The following CMPK1 variants were observed in gnomAD, a reference collection of about 807,000 sequenced individuals.
CMPK1 encodes the protein cytidine/uridine monophosphate kinase 1.
In CMPK1, 10 loss-of-function variants were observed where a neutral mutation model predicts 25.7. The ratio of observed to expected loss-of-function variants is 0.39; its 90% CI spans 0.24 to 0.66. The LOEUF is 0.66. Ranked by LOEUF, CMPK1 falls within the 30% of genes least tolerant of loss-of-function variation. CMPK1 has a pLI of 0.48. For missense variants in CMPK1, 199 were observed against 280.5 expected (o/e 0.71, Z 2.08); for synonymous variants, 106 against 101.5 (o/e 1.04, Z -0.27).
intron 1 of CMPK1, among the ~76,000 whole-genome samples, chr1:47,355,056 G>T (rs999211956): frequency 1.3e-5 from 2 of 151,504 alleles, no homozygotes; most frequent in Non-Finnish European, 2.9e-5. Flanking sequence ...GAATCACATT[G>T]TCTTTTTTTT....
Position 47,333,831 on chromosome 1 carries a change from C to CGGGGCCGCGGCGGGCGCCGGCT in CMPK1, c.-114_-93dup, listed in dbSNP as rs1201918753. The CGGGGCCGCGGCGGGCGCCGGCT allele has an allele frequency of 1.7e-6, 1 of 605,450 alleles. No individual in the cohort carries two copies. The highest frequency in any genetic ancestry group is 2.0e-5 in the African/African-American group (1 of 49,676). 37.5% of individuals were successfully genotyped at this position (605,450 alleles called of 1,614,324 possible). A position where few individuals can be genotyped will look rare whatever the true frequency, so the allele number is the denominator to read the frequency against. Reference sequence around the variant, plus strand: ...GCGGACGCCCGGGCAGCCACGGCGGCGGGGCCGCGGCGGGCGCCGGCTCAG... The same window carrying CGGGGCCGCGGCGGGCGCCGGCT: ...GCGGACGCCCGGGCAGCCACGGCGGCGGGGCCGCGGCGGGCGCCGGCTGGGGCCGCGGCGGGCGCCGGCTCAG... On this transcript the variant is annotated 5_prime_UTR_variant, in exon 1 of 6. Transcript: ENST00000371873.
chr1:47,364,678 ATATAT>A (rs551728752), intron 1 of CMPK1, among the ~76,000 whole-genome samples: 32 of 148,270 alleles, frequency 2.2e-4, no homozygotes, highest in African/African-American at 7.3e-4. Flanking sequence ...TATAAATTTT[ATATAT>A]TATATGCCAT....
At chr1:47,372,910 A>G (rs780053127) in intron 2 of CMPK1, 45 bp from the exon 3 acceptor site, 1 of 1,529,084 alleles carries the variant, frequency 6.5e-7, no homozygotes, top group Admixed American at 2.0e-5. Flanking sequence ...GAGAAATTTC[A>G]TTTTGTTAAT....
chr1:47,355,339 C>T (rs1238812907), intron 1 of CMPK1, among the ~76,000 whole-genome samples: 4 of 124,548 alleles, frequency 3.2e-5, no homozygotes. Context: ...AGCCACCATG[C>T]CCAGTCTTTT....
chr1:47,334,040 T>C lies in CMPK1; in HGVS notation c.95T>C (p.Leu32Pro), dbSNP rs1490069130. ...RRPILLCSPR[L>P]MKPLVVFVLG... ...CCGATTCTCCTCTGCTCTCCACGTCTCATGAAGCCGCTGGTCGTGTTCGTC... is the reference window on the plus strand; with the variant it reads ...CCGATTCTCCTCTGCTCTCCACGTCCCATGAAGCCGCTGGTCGTGTTCGTC... The change falls in exon 1 of 6, where the codon CTC (leucine) becomes CCC (proline). Residue 32 changes from leucine to proline, a missense_variant. Physicochemically the swap from Leu to Pro is moderately conservative, Grantham distance 98. Around this residue, in one of 2 missense-constraint regions of CMPK1, gnomAD observed 59 missense variants for 45.1 expected, o/e 1.31. Coordinates refer to ENST00000371873, the MANE Select transcript of CMPK1 (RefSeq NM_016308.3). The C allele has an allele frequency of 2.6e-6, 4 of 1,554,402 alleles. No individual in the cohort carries two copies. The South Asian group carries it at 4.7e-5, about 18-fold the overall frequency.
chr1:47,359,386 C>CTTTTTTTT (rs71053107), intron 1 of CMPK1, among the ~76,000 whole-genome samples: 5 of 102,756 alleles, frequency 4.9e-5, no homozygotes, highest in East Asian at 2.7e-4. Context: ...AACCTTTTTT[C>CTTTTTTTT]TTTTTTTTTT....
In CMPK1 at chr1:47,377,553, T is replaced by C. The variant is rs1391403436; in HGVS notation, c.*808T>C. On this transcript the variant is annotated 3_prime_UTR_variant, in exon 6 of 6. Transcript: ENST00000371873. ...ACCTTGAAATGCATGTGGCTAGATT[T>C]ATGCTAAAATGATTCTCAGTTAGCA... 1 of 152,482 alleles carries C rather than the reference T, an allele frequency of 6.6e-6. No homozygotes were observed. Among genetic ancestry groups the C allele is most frequent in the Non-Finnish European group, 1.5e-5 (1 of 68,030 alleles). 9.4% of individuals were successfully genotyped at this position (152,482 alleles called of 1,614,324 possible).
intron 1 of CMPK1, among the ~76,000 whole-genome samples, chr1:47,340,035 TCCCTCCCCTCCCCTC>T (rs147355430): frequency 4.5e-5 from 5 of 111,288 alleles, no homozygotes; most frequent in East Asian, 5.4e-4. Context: ...CCCCTTCCCT[TCCCTCCCCTCCCCTC>T]CCCTCCCCTC....
intron 1 of CMPK1, among the ~76,000 whole-genome samples, chr1:47,339,558 TAG>T (rs374672653): frequency 0.014 from 2,072 of 152,262 alleles, 13 homozygotes; most frequent in Non-Finnish European, 0.02. Flanking sequence ...GTTGGATTCA[TAG>T]AGTTTATTGT....
intron 1 of CMPK1, among the ~76,000 whole-genome samples, chr1:47,359,133 A>G (rs1401114336): frequency 1.3e-5 from 2 of 152,066 alleles, no homozygotes; most frequent in Non-Finnish European, 2.9e-5. Context: ...CCTGGCTAAC[A>G]TGGTGAGACC....
intron 1 of CMPK1, among the ~76,000 whole-genome samples, chr1:47,346,792 C>T (rs913523785): frequency 7.3e-4 from 109 of 150,126 alleles, no homozygotes; most frequent in African/African-American, 2.5e-3. Flanking sequence ...CATGAGCCAC[C>T]GTGCCCGGCC....
intron 2 of CMPK1, among the ~76,000 whole-genome samples, chr1:47,370,393 C>T (rs1382851870): frequency 6.6e-6 from 1 of 151,058 alleles, no homozygotes; most frequent in African/African-American, 2.4e-5. Context: ...AATCCCAGCA[C>T]TTTGGGAGGC....
At chr1:47,376,655 T>C in intron 5 of CMPK1, 49 bp from the exon 6 acceptor site, 1 of 1,261,142 alleles carries the variant, frequency 7.9e-7, no homozygotes, top group Non-Finnish European at 1.2e-6. Context: ...CTGTATGGTA[T>C]TTTAACAGTA....
chr1:47,336,455 CT>C (rs1164809962), intron 1 of CMPK1, among the ~76,000 whole-genome samples: 1 of 152,120 alleles, frequency 6.6e-6, no homozygotes, highest in Non-Finnish European at 1.5e-5. Context: ...CTTTAAACTT[CT>C]GATCTTATTA....
At chr1:47,357,932 G>T (rs917242266) in intron 1 of CMPK1, among the ~76,000 whole-genome samples, 1 of 151,830 alleles carries the variant, frequency 6.6e-6, no homozygotes, top group South Asian at 2.1e-4. Flanking sequence ...CTTGGGGCAC[G>T]TTCAAACCAT....
chr1:47,334,550 T>C (rs918394886), intron 1 of CMPK1, among the ~76,000 whole-genome samples: 8 of 152,204 alleles, frequency 5.3e-5, no homozygotes, highest in African/African-American at 1.9e-4. Flanking sequence ...GAGAGACCTA[T>C]TTTTCTTCTC....
intron 1 of CMPK1, among the ~76,000 whole-genome samples, chr1:47,359,935 A>G (rs1264106000): frequency 6.6e-6 from 1 of 152,226 alleles, no homozygotes; most frequent in Non-Finnish European, 1.5e-5. Context: ...TTAAGAACTG[A>G]ATTAACTGAT....
At chr1:47,370,655 A>C in intron 2 of CMPK1, among the ~76,000 whole-genome samples, 1 of 138,376 alleles carries the variant, frequency 7.2e-6, no homozygotes, top group Non-Finnish European at 1.5e-5. Context: ...AAAAAAAAAA[A>C]TGTCCGGGTG....
chr1:47,346,397 T>A (rs1044078169), intron 1 of CMPK1, among the ~76,000 whole-genome samples: 2 of 152,158 alleles, frequency 1.3e-5, no homozygotes, highest in African/African-American at 4.8e-5. Context: ...ACTAATGAAA[T>A]GTATATGCCT....
Sources: gnomAD v4.1 joint callset for allele counts (sites outside exome capture counted in the v4.1 genomes callset) on GRCh38, gnomAD v4.1.1 for gene constraint, gnomAD v4.1.1 regional missense constraint, MANE v1.5 for transcripts, NCBI Gene and HGNC (gene_info 2026-07-23, HGNC 2026-07-21) for gene names.